The following LOXHD1 variants were observed in gnomAD, a reference collection of about 807,000 sequenced individuals.
LOXHD1 encodes the protein lipoxygenase homology domain-containing protein 1.
Under a neutral mutation model 248.2 loss-of-function variants are expected in LOXHD1, and 205 were observed. The ratio of observed to expected loss-of-function variants is 0.83; its 90% CI spans 0.74 to 0.93. The LOEUF is 0.93. Ranked by LOEUF, LOXHD1 falls within the 40% of genes least tolerant of loss-of-function variation. The pLI, the probability that LOXHD1 is intolerant of heterozygous loss-of-function variation, is 0.00. For synonymous variants in LOXHD1, 1,113 were observed against 1,162.8 expected (o/e 0.96, Z 0.87); for missense variants, 2,930 against 2,971.6 (o/e 0.99, Z 0.33).
At chr18:46,545,241 T>G in intron 23 of LOXHD1, 76 bp downstream of exon 23, 1 of 1,067,906 alleles carries the variant, frequency 9.4e-7, no homozygotes, top group Non-Finnish European at 1.4e-6. Flanking sequence ...GGATTCCCCT[T>G]GGAAATTTCT....
chr18:46,627,118 A>T (rs565519361), intron 4 of LOXHD1, among the ~76,000 whole-genome samples: 5 of 152,198 alleles, frequency 3.3e-5, no homozygotes, highest in Admixed American at 3.3e-4. Flanking sequence ...TCAATACTTG[A>T]GTAGGTCATG....
At chr18:46,530,583 A>T (rs2036020994) in intron 28 of LOXHD1, among the ~76,000 whole-genome samples, 1 of 152,106 alleles carries the variant, frequency 6.6e-6, no homozygotes, top group Admixed American at 6.5e-5. Context: ...GACCCTCAAA[A>T]AGGGGATTCC....
intron 33 of LOXHD1, among the ~76,000 whole-genome samples, chr18:46,518,665 A>G (rs1598900126): frequency 6.6e-6 from 1 of 152,218 alleles, no homozygotes; most frequent in South Asian, 2.1e-4. Context: ...CAGATGCCCG[A>G]CCTCACCAGC....
intron 4 of LOXHD1, among the ~76,000 whole-genome samples, chr18:46,621,794 A>G (rs1449878535): frequency 6.6e-6 from 1 of 152,184 alleles, no homozygotes; most frequent in East Asian, 1.9e-4. Flanking sequence ...AGGGAGAAAG[A>G]TGATGATAAG....
At chr18:46,627,770 A>G (rs2038763422) in intron 4 of LOXHD1, among the ~76,000 whole-genome samples, 2 of 151,994 alleles carry the variant, frequency 1.3e-5, no homozygotes, top group Admixed American at 6.6e-5. Context: ...AATCCTAGAA[A>G]ACTCCTCACC....
At chr18:46,550,436 G>C (rs912457233) in intron 21 of LOXHD1, among the ~76,000 whole-genome samples, 2 of 151,460 alleles carry the variant, frequency 1.3e-5, no homozygotes, top group Non-Finnish European at 2.9e-5. Context: ...AGCCGGGCGC[G>C]GTGGCGGGCG....
Position 46,529,448 on chromosome 18 carries a change from G to A in LOXHD1, c.4376-117C>T, listed in dbSNP as rs1244763623. ...AAGCTTCTGGCCTAGGCCTCAAGGG[G>A]TTAATGCCTTCCTTTTGTTTGCTCA... On this transcript the variant is annotated intron_variant, in intron 28 of 40. Coordinates refer to ENST00000642948, the MANE Select transcript of LOXHD1 (RefSeq NM_001384474.1). The A allele has an allele frequency of 5.2e-6, 6 of 1,164,572 alleles. No individual in the cohort carries two copies. In the South Asian group the frequency reaches 7.6e-5, roughly 15 times the overall value. The allele number at this position is 1,164,572 out of a possible 1,614,324, so 72.1% of individuals were successfully genotyped here.
intron 3 of LOXHD1, among the ~76,000 whole-genome samples, chr18:46,641,347 A>C (rs887112515): frequency 2.0e-5 from 3 of 152,162 alleles, no homozygotes; most frequent in African/African-American, 7.2e-5. Context: ...AGGGACTAGG[A>C]AGGGAAAAGG....
chr18:46,499,872 A>G (rs2034115002), intron 37 of LOXHD1, among the ~76,000 whole-genome samples: 2 of 152,084 alleles, frequency 1.3e-5, no homozygotes, highest in Admixed American at 6.5e-5. Flanking sequence ...AAATATTTTG[A>G]ATTTCTTTGC....
intron 17 of LOXHD1, 113 bp from the exon 18 acceptor site, chr18:46,563,338 C>T: frequency 9.4e-7 from 1 of 1,063,008 alleles, no homozygotes; most frequent in Non-Finnish European, 1.3e-6. Flanking sequence ...GCTTTACAGT[C>T]ATTCACTTAT....
intron 12 of LOXHD1, 21 bp downstream of exon 12, chr18:46,591,912 G>A (rs2038176260): frequency 1.3e-6 from 2 of 1,551,410 alleles, no homozygotes; most frequent in East Asian, 4.9e-5. Flanking sequence ...CTCCCAGGAT[G>A]GAGAGCCTGT....
At chr18:46,485,665 A>T (rs1308980684) in intron 38 of LOXHD1, among the ~76,000 whole-genome samples, 2 of 152,206 alleles carry the variant, frequency 1.3e-5, no homozygotes, top group African/African-American at 4.8e-5. Context: ...CTGGTTAAGT[A>T]GGTGCCAAGT....
At chr18:46,500,932 C>T (rs183871842) in intron 37 of LOXHD1, among the ~76,000 whole-genome samples, 11 of 152,270 alleles carry the variant, frequency 7.2e-5, no homozygotes, top group Admixed American at 1.3e-4. Flanking sequence ...GGAGGGTTTT[C>T]TCTGAGTCCT....
At position 46,507,537 on chromosome 18, in the gene LOXHD1, C is replaced by A; in HGVS notation, c.5692+1G>T. 2 of 1,551,708 alleles carry A rather than the reference C, an allele frequency of 1.3e-6. No homozygotes were observed. Among genetic ancestry groups the A allele is most frequent in the Non-Finnish European group, 1.7e-6 (2 of 1,146,982 alleles). ...GGAGGTGTGAGGGACCCCCGACCCA[C>A]CCAGGATGTCGCTGGTCTTAACTGC... On this transcript the variant is annotated splice_donor_variant, in intron 36 of 40. Coordinates refer to ENST00000642948, the MANE Select transcript of LOXHD1 (RefSeq NM_001384474.1). LOFTEE classifies it high-confidence loss of function.
intron 20 of LOXHD1, 85 bp downstream of exon 20, chr18:46,559,363 A>T: frequency 6.5e-7 from 1 of 1,550,088 alleles, no homozygotes; most frequent in Non-Finnish European, 8.7e-7. Flanking sequence ...CACAGCAGCC[A>T]TTGTGCTGCG....
chr18:46,594,244 C>A, intron 9 of LOXHD1, 87 bp downstream of exon 9: 1 of 1,510,080 alleles, frequency 6.6e-7, no homozygotes, highest in Non-Finnish European at 8.9e-7. Flanking sequence ...GTGGACTGCC[C>A]TCATAGCTTT....
chr18:46,527,703 T>C (rs2035886265), intron 29 of LOXHD1, among the ~76,000 whole-genome samples: 1 of 152,186 alleles, frequency 6.6e-6, no homozygotes, highest in African/African-American at 2.4e-5. Context: ...AAGAGGAGGA[T>C]AGGACTCCTC....
intron 37 of LOXHD1, among the ~76,000 whole-genome samples, chr18:46,503,922 G>A (rs1390105027): frequency 6.6e-6 from 1 of 152,160 alleles, no homozygotes; most frequent in Admixed American, 6.5e-5. Context: ...ACACAGAACG[G>A]TGTGTTAGAA....
chr18:46,555,111 A>C (rs758195987), intron 21 of LOXHD1: 9 of 470,838 alleles, frequency 1.9e-5, no homozygotes, highest in South Asian at 1.4e-4. Context: ...AATCAGTGGC[A>C]GAGAATTACT....
Sources: gnomAD v4.1 joint callset for allele counts (sites outside exome capture counted in the v4.1 genomes callset) on GRCh38, gnomAD v4.1.1 for gene constraint, MANE v1.5 for transcripts, NCBI Gene and HGNC (gene_info 2026-07-23, HGNC 2026-07-21) for gene names.